GPATCH8: variants seen among roughly 807,000 people sequenced by gnomAD.
GPATCH8 encodes G patch domain-containing protein 8.
A neutral mutation model predicts 118.3 loss-of-function variants in GPATCH8; 18 were observed. The ratio of observed to expected loss-of-function variants is 0.15; its 90% confidence interval spans 0.11 to 0.23. GPATCH8 has a LOEUF of 0.23. Among genes scored for constraint, GPATCH8 ranks in the 10% least tolerant of loss-of-function variants. The probability of loss-of-function intolerance (pLI) is 1.00; values close to 1 mark genes in which losing one functional copy is unlikely to be tolerated. For missense variants in GPATCH8, 1,631 were observed against 1,873.8 expected (o/e 0.87, Z 2.39); for synonymous variants, 659 against 684.7 (o/e 0.96, Z 0.59).
chr17:44,402,024 T>A (rs11868742), intron 7 of GPATCH8, among the ~76,000 whole-genome samples: 11,182 of 49,484 alleles, frequency 0.23, 512 homozygotes, highest in Middle Eastern at 0.34. Flanking sequence ...AAAAAAAAAA[T>A]AAAAAATAAA....
intron 4 of GPATCH8, among the ~76,000 whole-genome samples, chr17:44,435,929 G>A (rs1273266951): frequency 6.7e-6 from 1 of 149,364 alleles, no homozygotes; most frequent in African/African-American, 2.5e-5. Flanking sequence ...GGCTGAGACA[G>A]GAGACAGGAG....
At chr17:44,434,610 C>T (rs1018443771) in intron 5 of GPATCH8, among the ~76,000 whole-genome samples, 3 of 151,936 alleles carry the variant, frequency 2.0e-5, no homozygotes, top group African/African-American at 4.8e-5. Context: ...GAGGCCGAGG[C>T]GGGTGGATCA....
intron 1 of GPATCH8, among the ~76,000 whole-genome samples, chr17:44,495,860 T>C (rs1291600256): frequency 1.3e-5 from 2 of 152,134 alleles, no homozygotes; most frequent in African/African-American, 4.8e-5. Flanking sequence ...TTAGCTTTAA[T>C]TTCTTTTTTT....
intron 1 of GPATCH8, among the ~76,000 whole-genome samples, chr17:44,493,141 C>A (rs570050524): frequency 2.7e-5 from 4 of 146,464 alleles, no homozygotes; most frequent in African/African-American, 1.0e-4. Context: ...CAACCTCTGC[C>A]TCCTGGGTTC....
chr17:44,406,086 T>C lies in GPATCH8; in HGVS notation c.493-35A>G, dbSNP rs781307305. 8 of 1,526,666 alleles carry C rather than the reference T, an allele frequency of 5.2e-6. No homozygotes were observed. In the Admixed American group the frequency reaches 1.0e-4, roughly 19 times the overall value. The allele number at this position is 1,526,666 out of a possible 1,614,324, so 94.6% of individuals were successfully genotyped here. ...AAGAAAGAAAGATACAGAGGGTGGATGATTTACAGTAACTTGGGAATCAGA... is the reference window on the plus strand; with the variant it reads ...AAGAAAGAAAGATACAGAGGGTGGACGATTTACAGTAACTTGGGAATCAGA... On this transcript the variant is annotated intron_variant, in intron 6 of 7. Transcript: ENST00000591680.
intron 5 of GPATCH8, among the ~76,000 whole-genome samples, chr17:44,424,887 G>A (rs2050035912): frequency 6.6e-6 from 1 of 152,200 alleles, no homozygotes; most frequent in Non-Finnish European, 1.5e-5. Flanking sequence ...AGCCAATGAT[G>A]GAGTTAAATA....
chr17:44,443,764 G>T (rs2050780970), intron 3 of GPATCH8, among the ~76,000 whole-genome samples: 1 of 152,102 alleles, frequency 6.6e-6, no homozygotes, highest in Admixed American at 6.6e-5. Context: ...AACCTCCTGG[G>T]CTCAAGTAAT....
intron 1 of GPATCH8, among the ~76,000 whole-genome samples, chr17:44,497,255 T>A (rs1429022314): frequency 6.6e-6 from 1 of 152,190 alleles, no homozygotes; most frequent in Admixed American, 6.5e-5. Flanking sequence ...GGTTTCTGAT[T>A]CATAATTAAG....
At position 44,397,536 on chromosome 17, in the gene GPATCH8, C is replaced by T. The variant is rs1363693652; in HGVS notation, c.*32G>A. On this transcript the variant is annotated 3_prime_UTR_variant, in exon 8 of 8. Transcript: ENST00000591680. The stretch of plus-strand genomic sequence containing the variant: ...CAAGGGAACATTTATGGGTCTCCTC[C>T]CCTGGCCCTACCTAGGATCCCATCC... 2 of 1,475,036 alleles carry T rather than the reference C, an allele frequency of 1.4e-6. No individual in the cohort carries two copies. Among genetic ancestry groups the T allele is most frequent in the Non-Finnish European group, 1.9e-6 (2 of 1,053,638 alleles). 91.4% of individuals were successfully genotyped at this position (1,475,036 alleles called of 1,614,324 possible). A position where few individuals can be genotyped will look rare whatever the true frequency, so the allele number is the denominator to read the frequency against.
intron 1 of GPATCH8, among the ~76,000 whole-genome samples, chr17:44,487,890 G>C (rs563777501): frequency 6.9e-6 from 1 of 144,894 alleles, no homozygotes; most frequent in East Asian, 2.0e-4. Flanking sequence ...TGGTGTTTAT[G>C]TTTTTGTGTT....
rs1311606133 is a variant in GPATCH8 at position 44,399,266 on chromosome 17, G to C, written c.2811C>G (p.Leu937=). The C allele has an allele frequency of 6.2e-7, 1 of 1,614,136 alleles. No individual in the cohort carries two copies. The highest frequency in any genetic ancestry group is 8.5e-7 in the Non-Finnish European group (1 of 1,179,984). Residue 937 remains leucine (L), a synonymous_variant, in exon 8 of 8, where the codon CTC becomes CTG. Transcript: ENST00000591680. ...KYSSSDDDYS[L]SCSQSRSRSR... The stretch of plus-strand genomic sequence containing the variant: ...ATCGGCTTCGGGACTGGCTGCAACT[G>C]AGGCTATAGTCATCATCAGAAGATG...
intron 6 of GPATCH8, among the ~76,000 whole-genome samples, chr17:44,422,999 TGGCTCACACCTG>T (rs2049967677): frequency 1.3e-5 from 2 of 151,738 alleles, no homozygotes; most frequent in African/African-American, 4.8e-5. Flanking sequence ...CCGGGCGCAG[TGGCTCACACCTG>T]TAATCCCAGC....
At chr17:44,457,326 A>C (rs2051373391) in intron 3 of GPATCH8, among the ~76,000 whole-genome samples, 2 of 152,322 alleles carry the variant, frequency 1.3e-5, no homozygotes, top group South Asian at 4.1e-4. Flanking sequence ...ATAATGCCTC[A>C]GTTTTACTAT....
At chr17:44,418,825 T>C (rs2049788439) in intron 6 of GPATCH8, among the ~76,000 whole-genome samples, 1 of 152,236 alleles carries the variant, frequency 6.6e-6, no homozygotes, top group African/African-American at 2.4e-5. Context: ...ATATATTGGA[T>C]TTCTTCAGAA....
Position 44,494,487 on chromosome 17 carries a change from G to C in GPATCH8, c.45+8839C>G, listed in dbSNP as rs1236273362. Among the ~76,000 whole-genome samples the C allele has an allele frequency of 3.3e-5, 5 of 152,272 alleles. No homozygotes were observed. The South Asian group carries it at 6.2e-4, about 19-fold the overall frequency. ...TGCACCTGTAATCCCAGCTACTTGG[G>C]AGGCTGAGGCAGGAGAATCATTTGA... On this transcript the variant is annotated intron_variant, in intron 1 of 7. Coordinates refer to ENST00000591680, the MANE Select transcript of GPATCH8 (RefSeq NM_001002909.4).
In GPATCH8 at chr17:44,398,397, G is replaced by A; in HGVS notation, c.3680C>T (p.Pro1227Leu). ...ADHPVAPLGTPAHSDCYPGDP... is the reference protein window; with the variant it reads ...ADHPVAPLGTLAHSDCYPGDP... Reference sequence around the variant, plus strand: ...CCCAGGGTAGCAGTCAGAATGTGCTGGGGTGCCTAGTGGAGCCACAGGGTG... The same window carrying A: ...CCCAGGGTAGCAGTCAGAATGTGCTAGGGTGCCTAGTGGAGCCACAGGGTG... Residue 1227 changes from proline (P) to leucine (L), a missense_variant, in exon 8 of 8, where the codon CCA becomes CTA. This residue lies in a region of GPATCH8 where 922 missense variants were observed against 879.7 expected (regional missense o/e 1.05). Coordinates refer to ENST00000591680, the MANE Select transcript of GPATCH8 (RefSeq NM_001002909.4). 3 of 1,613,960 alleles carry A rather than the reference G, an allele frequency of 1.9e-6. No homozygotes were observed. Among genetic ancestry groups the A allele is most frequent in the Non-Finnish European group, 2.5e-6 (3 of 1,179,884 alleles).
At chr17:44,428,479 T>C (rs990257224) in intron 5 of GPATCH8, among the ~76,000 whole-genome samples, 1 of 144,276 alleles carries the variant, frequency 6.9e-6, no homozygotes, top group African/African-American at 2.6e-5. Flanking sequence ...GGCAACAGAG[T>C]GAGACTCCAT....
intron 2 of GPATCH8, among the ~76,000 whole-genome samples, chr17:44,468,217 C>A (rs1966960356): frequency 6.6e-6 from 1 of 151,920 alleles, no homozygotes; most frequent in Admixed American, 6.6e-5. Flanking sequence ...AAGTGATCCG[C>A]CTGCCTTGGC....
chr17:44,442,656 G>T (rs575715669), intron 3 of GPATCH8, among the ~76,000 whole-genome samples: 1 of 152,272 alleles, frequency 6.6e-6, no homozygotes, highest in Non-Finnish European at 1.5e-5. Flanking sequence ...GTAGAGATGG[G>T]GTTTCACCAT....
Sources: allele counts gnomAD v4.1 joint callset (sites outside exome capture counted in the v4.1 genomes callset), GRCh38; gene constraint gnomAD v4.1.1; regional missense constraint gnomAD v4.1.1; transcripts MANE v1.5; gene names NCBI Gene and HGNC (gene_info 2026-07-23, HGNC 2026-07-21).